Variants in HYAL4 observed in about 807,000 individuals in gnomAD.
HYAL4 encodes hyaluronidase-4.
In HYAL4, 37 loss-of-function variants were observed where a neutral mutation model predicts 35.2. The observed-to-expected ratio is 1.05, with a 90% CI of 0.81 to 1.38. HYAL4 has a LOEUF of 1.38. Ranked by LOEUF, HYAL4 falls within the 40% of genes most tolerant of loss-of-function variation. The pLI, the probability that HYAL4 is intolerant of heterozygous loss-of-function variation, is 0.00. For missense variants in HYAL4, 572 were observed against 572.4 expected, an observed-to-expected ratio of 1.00 and a Z score of 0.01; for synonymous variants, 198 against 203.2, an observed-to-expected ratio of 0.97 and a Z score of 0.22.
the HYAL4 span, among the ~76,000 whole-genome samples, chr7:123,782,374 A>G: frequency 6.6e-6 from 1 of 152,192 alleles, no homozygotes; most frequent in Admixed American, 6.5e-5. Flanking sequence ...TCCTTGAGCT[A>G]GAAAAATAAG....
the HYAL4 span, among the ~76,000 whole-genome samples, chr7:123,783,211 G>T: frequency 6.6e-6 from 1 of 152,160 alleles, no homozygotes; most frequent in African/African-American, 2.4e-5. Flanking sequence ...CCCTGGGCTA[G>T]TACTGATAAT....
chr7:123,780,205 A>G, the HYAL4 span, among the ~76,000 whole-genome samples: 4 of 152,184 alleles, frequency 2.6e-5, no homozygotes, highest in Admixed American at 6.6e-5. Flanking sequence ...TTGGTGAGTA[A>G]ATAAGCTGCC....
At position 123,869,113 on chromosome 7, in the gene HYAL4, T is replaced by C. The variant is rs148679463; in HGVS notation, c.840T>C (p.Phe280=). ...DSENILRFSK[F]RVHESMRIST... ...AAAACATTTTGCGCTTCTCCAAATTTCGGGTGCATGAATCCATGAGGATCT... is the reference window on the plus strand; with the variant it reads ...AAAACATTTTGCGCTTCTCCAAATTCCGGGTGCATGAATCCATGAGGATCT... The change falls in exon 3 of 5, where the codon TTT becomes TTC. Residue 280 remains phenylalanine, a synonymous_variant. Transcript: ENST00000223026. 5.0e-4 allele frequency: 800 copies of C among 1,614,194 alleles called. 3 individuals are homozygous for C. The African/African-American group carries it at 9.9e-3, about 20-fold the overall frequency.
intron 2 of HYAL4, among the ~76,000 whole-genome samples, chr7:123,852,419 G>A (rs1157912628): frequency 6.6e-6 from 1 of 152,116 alleles, no homozygotes; most frequent in African/African-American, 2.4e-5. Context: ...TTTTGTATAA[G>A]GTGTAAGGAA....
chr7:123,808,253 G>A, the HYAL4 span, among the ~76,000 whole-genome samples: 1 of 152,070 alleles, frequency 6.6e-6, no homozygotes, highest in African/African-American at 2.4e-5. Context: ...GTTTAACAAT[G>A]CTTTATCATA....
chr7:123,870,866 C>G (rs1459099847), intron 3 of HYAL4, among the ~76,000 whole-genome samples: 1 of 151,698 alleles, frequency 6.6e-6, no homozygotes, highest in Non-Finnish European at 1.5e-5. Flanking sequence ...GACGTCTTTT[C>G]TATATTTGAC....
the HYAL4 span, among the ~76,000 whole-genome samples, chr7:123,766,530 A>G: frequency 6.6e-6 from 1 of 152,108 alleles, no homozygotes; most frequent in Non-Finnish European, 1.5e-5. Flanking sequence ...CTTAAATTTT[A>G]TAGAACCAGT....
the HYAL4 span, among the ~76,000 whole-genome samples, chr7:123,780,454 C>CA: frequency 6.6e-6 from 1 of 152,184 alleles, no homozygotes; most frequent in Non-Finnish European, 1.5e-5. Flanking sequence ...ACATGGCTGT[C>CA]ACATAAGAAT....
At chr7:123,791,715 G>C in the HYAL4 span, among the ~76,000 whole-genome samples, 1 of 152,178 alleles carries the variant, frequency 6.6e-6, no homozygotes, top group African/African-American at 2.4e-5. Flanking sequence ...AGTTGAGCAT[G>C]GTTTCTTTGC....
At chr7:123,805,719 C>T in the HYAL4 span, among the ~76,000 whole-genome samples, 1 of 152,148 alleles carries the variant, frequency 6.6e-6, no homozygotes, top group African/African-American at 2.4e-5. Context: ...TCAAAATCCA[C>T]TGTACTAATT....
At chr7:123,843,031 G>A (rs1378078768), upstream of HYAL4, among the ~76,000 whole-genome samples, 2 of 151,838 alleles carry the variant, frequency 1.3e-5, no homozygotes, top group Non-Finnish European at 2.9e-5. Flanking sequence ...GTGAATTTGA[G>A]CCTGTCATTA....
intron 1 of HYAL4, among the ~76,000 whole-genome samples, chr7:123,838,240 C>A (rs1412777101): frequency 7.7e-6 from 1 of 129,542 alleles, no homozygotes; most frequent in South Asian, 2.5e-4. Context: ...TTTACAGAGC[C>A]TTTTTTTTTT....
chr7:123,854,320 G>A (rs1806379843), intron 2 of HYAL4, among the ~76,000 whole-genome samples: 2 of 152,280 alleles, frequency 1.3e-5, no homozygotes, highest in Non-Finnish European at 1.5e-5. Flanking sequence ...ATGTTAGGGT[G>A]TCGGTTTTAG....
At chr7:123,767,037 A>G in the HYAL4 span, among the ~76,000 whole-genome samples, 1 of 152,196 alleles carries the variant, frequency 6.6e-6, no homozygotes, top group East Asian at 1.9e-4. Context: ...TATGATGTGC[A>G]GCTATGTATT....
the HYAL4 span, among the ~76,000 whole-genome samples, chr7:123,812,512 A>G: frequency 6.6e-6 from 1 of 152,314 alleles, no homozygotes; most frequent in South Asian, 2.1e-4. Context: ...AGAAAAATAG[A>G]TGATTGTGTA....
chr7:123,868,150 T>C, intron 2 of HYAL4, 73 bp from the exon 3 acceptor site: 1 of 472,116 alleles, frequency 2.1e-6, no homozygotes, highest in South Asian at 5.5e-5. Context: ...TCATATATAA[T>C]AATAATATCT....
intron 1 of HYAL4, 22 bp downstream of exon 1, chr7:123,845,707 G>A (rs185877254): frequency 6.6e-6 from 1 of 152,068 alleles, no homozygotes; most frequent in South Asian, 2.1e-4. Context: ...TAATTTTTTG[G>A]GGGGGATGTT....
At chr7:123,780,000 T>C in the HYAL4 span, among the ~76,000 whole-genome samples, 1 of 152,216 alleles carries the variant, frequency 6.6e-6, no homozygotes, top group African/African-American at 2.4e-5. Flanking sequence ...ACAGTATATG[T>C]TGCTTGCATG....
At chr7:123,859,543 T>TGGCTG (rs1221020353) in intron 2 of HYAL4, among the ~76,000 whole-genome samples, 1 of 152,228 alleles carries the variant, frequency 6.6e-6, no homozygotes, top group African/African-American at 2.4e-5. Flanking sequence ...CTTAAAGCTC[T>TGGCTG]GGCTGATAGT....
Sources: allele counts gnomAD v4.1 joint callset (sites outside exome capture counted in the v4.1 genomes callset), GRCh38; gene constraint gnomAD v4.1.1; transcripts MANE v1.5; gene names NCBI Gene and HGNC (gene_info 2026-07-23, HGNC 2026-07-21).